The following GET1 variants were observed in gnomAD, a reference collection of about 807,000 sequenced individuals.
GET1 encodes guided entry of tail-anchored proteins factor 1, also known as congenital heart disease 5 protein.
Under a neutral mutation model 22.6 loss-of-function variants are expected in GET1, and 20 were observed. That is an observed-to-expected ratio of 0.89 (90% CI 0.62 to 1.29). The LOEUF (loss-of-function observed/expected upper bound fraction) is 1.29, where lower values mean the gene tolerates loss of function less well. Among genes scored for constraint, GET1 ranks in the 50% most tolerant of loss-of-function variants. The probability of loss-of-function intolerance (pLI) is 0.00; values close to 1 mark genes in which losing one functional copy is unlikely to be tolerated. For missense variants in GET1, 209 were observed against 219.9 expected (o/e 0.95, Z 0.31); for synonymous variants, 92 against 83.8 (o/e 1.10, Z -0.53).
chr21:39,385,767 C>G (rs1161079359), intron 1 of GET1, among the ~76,000 whole-genome samples: 1 of 151,866 alleles, frequency 6.6e-6, no homozygotes, highest in Admixed American at 6.6e-5. Flanking sequence ...CCAGGACTCG[C>G]GCGGGGTCAA....
At chr21:39,392,135 G>A (rs1028414138) in intron 3 of GET1, 14 of 347,602 alleles carry the variant, frequency 4.0e-5, no homozygotes, top group Non-Finnish European at 6.8e-5. Flanking sequence ...CTGGTGGGAT[G>A]AAGCGAGAGG....
intron 1 of GET1, among the ~76,000 whole-genome samples, chr21:39,417,614 A>G (rs988926391): frequency 6.8e-4 from 103 of 152,316 alleles, no homozygotes; most frequent in African/African-American, 2.4e-3. Flanking sequence ...TATAAGGGAC[A>G]GAGGTTTAAT....
At chr21:39,411,701 A>C in intron 1 of GET1, 1 of 1,282,960 alleles carries the variant, frequency 7.8e-7, no homozygotes, top group Non-Finnish European at 1.1e-6. Context: ...TTTTGAGCAA[A>C]AGTAATTAAA....
intron 1 of GET1, among the ~76,000 whole-genome samples, chr21:39,420,522 C>CAAAAAA (rs397972848): frequency 0.016 from 1,389 of 87,122 alleles, 148 homozygotes; most frequent in African/African-American, 0.051. Flanking sequence ...GATTCTATCT[C>CAAAAAA]AAAAAAAAAA....
At position 39,380,487 on chromosome 21, in the gene GET1, G is replaced by T. The variant is rs1314102433; in HGVS notation, c.102+1G>T. ...CCTCCTCCCGTCCTTCTCATCCTTC[G>T]TAAGTGGCTGCCTGGCCTCCCAAGG... On this transcript the variant is annotated splice_donor_variant, in intron 1 of 4. Transcript: ENST00000649170. LOFTEE classifies it high-confidence loss of function. 1 of 1,609,834 alleles carries T rather than the reference G, an allele frequency of 6.2e-7. No homozygotes were observed. Among genetic ancestry groups the T allele is most frequent in the Non-Finnish European group, 8.5e-7 (1 of 1,177,826 alleles).
downstream of GET1, among the ~76,000 whole-genome samples, chr21:39,400,771 C>T (rs929000600): frequency 4.6e-5 from 7 of 152,118 alleles, no homozygotes; most frequent in African/African-American, 2.4e-5. Context: ...TCTATTGACA[C>T]GCAGAGTGCT....
At chr21:39,404,684 G>A (rs962052174) in intron 4 of GET1, among the ~76,000 whole-genome samples, 1 of 149,370 alleles carries the variant, frequency 6.7e-6, no homozygotes, top group Admixed American at 6.7e-5. Flanking sequence ...CCGGCAGGGC[G>A]GAGGTTGCAG....
chr21:39,409,752 G>C (rs367560274), downstream of GET1, among the ~76,000 whole-genome samples: 411 of 152,198 alleles, frequency 2.7e-3, 5 homozygotes, highest in African/African-American at 9.4e-3. This position sits in a 1 kb window ranked among gnomAD's most constrained non-coding sequence, Gnocchi z 4.2. Flanking sequence ...ACCGCCATGT[G>C]CGGTTAAGTT....
chr21:39,406,671 GA>G (rs750145357), downstream of GET1: 1 of 1,351,248 alleles, frequency 7.4e-7, no homozygotes, highest in South Asian at 1.4e-5. Context: ...TCTATTTCAA[GA>G]TGGCATGTCT....
In GET1 at chr21:39,396,665, G is replaced by C. The variant is rs144434428; in HGVS notation, c.452-201G>C. Among the ~76,000 whole-genome samples, 785 of 145,892 alleles carry C rather than the reference G, an allele frequency of 5.4e-3. 2 individuals carry two copies. Among genetic ancestry groups the C allele is most frequent in the African/African-American group, 0.02 (769 of 39,148 alleles). The stretch of plus-strand genomic sequence containing the variant: ...CGCACCATTGCACTCCAGCCTGGGG[G>C]ACAGAGCGAGACTCCGTCTCAAAAA... On this transcript the variant is annotated intron_variant, in intron 4 of 4. Transcript: ENST00000649170.
chr21:39,420,515 T>A (rs1171477601), intron 1 of GET1, among the ~76,000 whole-genome samples: 7 of 17,454 alleles, frequency 4.0e-4, no homozygotes, highest in African/African-American at 2.3e-3. Context: ...AGAGCAAGAT[T>A]CTATCTCAAA....
At chr21:39,414,580 C>T (rs992269243) in intron 1 of GET1, among the ~76,000 whole-genome samples, 12 of 152,130 alleles carry the variant, frequency 7.9e-5, no homozygotes, top group African/African-American at 1.7e-4. Context: ...CCTCGTGACT[C>T]GCTACCAAAA....
In GET1 at chr21:39,380,508, C is replaced by T. The variant is rs202189502; in HGVS notation, c.102+22C>T. 7.6e-5 allele frequency: 122 copies of T among 1,600,042 alleles called. No homozygotes were observed. The African/African-American group carries it at 1.6e-3, about 21-fold the overall frequency. On this transcript the variant is annotated intron_variant, in intron 1 of 4. Transcript: ENST00000649170. ...CTTCGTAAGTGGCTGCCTGGCCTCC[C>T]AAGGGCCGGTGGGGATGCCGCCCCA... is the stretch of plus-strand genomic sequence containing the variant.
chr21:39,412,622 G>C (rs1354321498), intron 1 of GET1, among the ~76,000 whole-genome samples: 1 of 151,472 alleles, frequency 6.6e-6, no homozygotes, highest in East Asian at 1.9e-4. Context: ...ACACACACGG[G>C]GGGTGGGGCG....
At position 39,397,572 on chromosome 21, in the gene GET1, T is replaced by G. The variant is rs760458682; in HGVS notation, c.*633T>G. 1 of 152,352 alleles carries G rather than the reference T, an allele frequency of 6.6e-6. No individual in the cohort carries two copies. Among genetic ancestry groups the G allele is most frequent in the South Asian group, 2.1e-4 (1 of 4,830 alleles). 9.4% of individuals were successfully genotyped at this position (152,352 alleles called of 1,614,324 possible). A position where few individuals can be genotyped will look rare whatever the true frequency, so the allele number is the denominator to read the frequency against. Reference sequence around the variant, plus strand: ...ATCCACGAGACCATGATGCATTGTTTTGTGCTCAACTTGTGTTTTGTATTT... The same window carrying G: ...ATCCACGAGACCATGATGCATTGTTGTGTGCTCAACTTGTGTTTTGTATTT... On this transcript the variant is annotated 3_prime_UTR_variant, in exon 5 of 5. Transcript: ENST00000649170.
At chr21:39,388,797 C>A (rs1369897352) in intron 1 of GET1, among the ~76,000 whole-genome samples, 1 of 152,194 alleles carries the variant, frequency 6.6e-6, no homozygotes, top group Non-Finnish European at 1.5e-5. Context: ...GTCACCTCTC[C>A]CATCCCGGTG....
At position 39,405,232 on chromosome 21, in the gene GET1, C is replaced by T. The variant is rs147843883; in HGVS notation, c.350-682C>T. On this transcript the variant is annotated intron_variant, in intron 4 of 4. Coordinates refer to the GET1 transcript ENST00000415847. ...TATTTTTTGAGACACGGTCTCACTCCGATTGCCCAAGCTAGAGTGCAGTGG... is the reference window on the plus strand; with the variant it reads ...TATTTTTTGAGACACGGTCTCACTCTGATTGCCCAAGCTAGAGTGCAGTGG... Among the ~76,000 whole-genome samples, 221 of 152,236 alleles carry T rather than the reference C, an allele frequency of 1.5e-3. 1 individual carries two copies. Among genetic ancestry groups the T allele is most frequent in the Non-Finnish European group, 2.7e-3 (182 of 68,026 alleles).
At chr21:39,390,118 G>A (rs939016336) in intron 1 of GET1, among the ~76,000 whole-genome samples, 2 of 151,170 alleles carry the variant, frequency 1.3e-5, no homozygotes, top group Non-Finnish European at 2.9e-5. Context: ...TAGGTAGAGG[G>A]CAGCTTGCCC....
intron 1 of GET1, among the ~76,000 whole-genome samples, chr21:39,389,007 T>C (rs2038115660): frequency 6.6e-6 from 1 of 152,200 alleles, no homozygotes. Context: ...AGATCTCCAA[T>C]TGAAGCCAAC....
Sources: allele counts gnomAD v4.1 joint callset (sites outside exome capture counted in the v4.1 genomes callset), GRCh38; gene constraint gnomAD v4.1.1; non-coding constraint Gnocchi (gnomAD v3.1); transcripts MANE v1.5; gene names NCBI Gene and HGNC (gene_info 2026-07-23, HGNC 2026-07-21).